VPS13B: variants seen among roughly 807,000 people sequenced by gnomAD.
VPS13B encodes the protein vacuolar protein sorting 13 homolog B, also known as intermembrane lipid transfer protein VPS13B.
A neutral mutation model predicts 426.4 loss-of-function variants in VPS13B; 285 were observed. That is an observed-to-expected ratio of 0.67 (90% confidence interval 0.61 to 0.74). The LOEUF (loss-of-function observed/expected upper bound fraction) is 0.74, where lower values mean the gene tolerates loss of function less well. Ranked by LOEUF, VPS13B falls within the 30% of genes least tolerant of loss-of-function variation. The probability of loss-of-function intolerance (pLI) is 0.00; values close to 1 mark genes in which losing one functional copy is unlikely to be tolerated. For missense variants in VPS13B, 4,537 were observed against 4,782.6 expected (o/e 0.95, Z 1.51); for synonymous variants, 1,676 against 1,676.4 (o/e 1.00, Z 0.01).
intron 43 of VPS13B, among the ~76,000 whole-genome samples, chr8:99,790,724 G>T (rs982908275): frequency 6.6e-6 from 1 of 152,162 alleles, no homozygotes; most frequent in Admixed American, 6.6e-5. Flanking sequence ...CAGACAGAAG[G>T]GATATTTGTA....
At chr8:99,056,291 G>A (rs999061213) in intron 3 of VPS13B, among the ~76,000 whole-genome samples, 1 of 151,964 alleles carries the variant, frequency 6.6e-6, no homozygotes, top group African/African-American at 2.4e-5. Flanking sequence ...GAACTCCTGG[G>A]CTCAAGCGAT....
At chr8:99,134,072 C>T (rs1809943388) in intron 8 of VPS13B, among the ~76,000 whole-genome samples, 1 of 152,156 alleles carries the variant, frequency 6.6e-6, no homozygotes, top group Non-Finnish European at 1.5e-5. Context: ...ATCTAGCTGG[C>T]TTTCAATAAG....
intron 21 of VPS13B, among the ~76,000 whole-genome samples, chr8:99,402,988 C>G (rs1261813563): frequency 6.6e-6 from 1 of 152,194 alleles, no homozygotes; most frequent in East Asian, 1.9e-4. Flanking sequence ...AGAAAGGACT[C>G]TTCAATTGCA....
chr8:99,193,774 A>G (rs1181154403), intron 17 of VPS13B, among the ~76,000 whole-genome samples: 1 of 152,156 alleles, frequency 6.6e-6, no homozygotes, highest in Non-Finnish European at 1.5e-5. Context: ...TTAATTTCAG[A>G]CCTGACATCA....
chr8:99,187,993 CAG>C (rs796900322), intron 16 of VPS13B, among the ~76,000 whole-genome samples: 1 of 149,330 alleles, frequency 6.7e-6, no homozygotes, highest in Non-Finnish European at 1.5e-5. Context: ...GTGACGGAGA[CAG>C]AGACAGAGAC....
chr8:99,519,081 A>C (rs993262624), intron 29 of VPS13B, among the ~76,000 whole-genome samples: 12 of 152,184 alleles, frequency 7.9e-5, no homozygotes, highest in Non-Finnish European at 1.6e-4. Flanking sequence ...TAGAGAGTAA[A>C]ATGTAAATGT....
intron 15 of VPS13B, among the ~76,000 whole-genome samples, chr8:99,164,680 A>G (rs1003713641): frequency 1.3e-5 from 2 of 151,720 alleles, no homozygotes; most frequent in African/African-American, 4.8e-5. Flanking sequence ...TTTCTTTACT[A>G]CTTCCATCTC....
intron 33 of VPS13B, among the ~76,000 whole-genome samples, chr8:99,633,389 A>G (rs934897956): frequency 6.6e-6 from 1 of 152,038 alleles, no homozygotes; most frequent in African/African-American, 2.4e-5. Context: ...GTAAACTTTC[A>G]TCTGCTTCAG....
At chr8:99,066,481 C>A (rs548822017) in intron 3 of VPS13B, among the ~76,000 whole-genome samples, 1 of 152,322 alleles carries the variant, frequency 6.6e-6, no homozygotes, top group East Asian at 1.9e-4. Context: ...CCCTTCCTTA[C>A]ACCTTATACA....
At chr8:99,284,529 G>A (rs1470118617) in intron 19 of VPS13B, among the ~76,000 whole-genome samples, 2 of 151,892 alleles carry the variant, frequency 1.3e-5, no homozygotes, top group Non-Finnish European at 2.9e-5. Context: ...GTTACTTTGA[G>A]CAAGTAAACC....
chr8:99,252,458 C>T (rs372982834), intron 17 of VPS13B, among the ~76,000 whole-genome samples: 3 of 152,024 alleles, frequency 2.0e-5, no homozygotes, highest in East Asian at 1.9e-4. Context: ...TCATTTCTGG[C>T]CCAGTATAAT....
chr8:99,776,447 G>A (rs1811746593), intron 40 of VPS13B, among the ~76,000 whole-genome samples: 1 of 152,138 alleles, frequency 6.6e-6, no homozygotes. Context: ...GACTGCAGGT[G>A]CATGCCACCA....
intron 17 of VPS13B, among the ~76,000 whole-genome samples, chr8:99,237,870 T>A (rs966293997): frequency 2.0e-5 from 1 of 49,650 alleles, no homozygotes; most frequent in African/African-American, 8.9e-5. Flanking sequence ...AGGTTGGGGT[T>A]ATTTTTTTTT....
chr8:99,841,661 C>A (rs1380262980), intron 54 of VPS13B, among the ~76,000 whole-genome samples: 1 of 152,174 alleles, frequency 6.6e-6, no homozygotes, highest in African/African-American at 2.4e-5. Context: ...AGCCTACCTT[C>A]TGCCTACTGC....
chr8:99,760,135 C>G (rs1232304000), intron 39 of VPS13B, among the ~76,000 whole-genome samples: 1 of 151,934 alleles, frequency 6.6e-6, no homozygotes, highest in Non-Finnish European at 1.5e-5. Flanking sequence ...CACCACCACA[C>G]CTGGCTATTT....
intron 3 of VPS13B, among the ~76,000 whole-genome samples, chr8:99,066,548 C>T (rs1166497824): frequency 2.0e-5 from 3 of 152,130 alleles, no homozygotes; most frequent in Non-Finnish European, 4.4e-5. Flanking sequence ...CCACAAAAAC[C>T]CTAGAAGAAA....
At chr8:99,315,545 A>T (rs549495151) in intron 19 of VPS13B, among the ~76,000 whole-genome samples, 1 of 149,080 alleles carries the variant, frequency 6.7e-6, no homozygotes, top group South Asian at 2.1e-4. Flanking sequence ...TTTTTTTTTT[A>T]AATTTCTTTG....
At chr8:99,555,996 A>C (rs1452849925) in intron 30 of VPS13B, among the ~76,000 whole-genome samples, 1 of 152,176 alleles carries the variant, frequency 6.6e-6, no homozygotes, top group African/African-American at 2.4e-5. Flanking sequence ...AGCAAGGGAA[A>C]GGGTTTTGAG....
chr8:99,679,037 C>G (rs1369209507), intron 35 of VPS13B, among the ~76,000 whole-genome samples: 1 of 152,180 alleles, frequency 6.6e-6, no homozygotes, highest in Non-Finnish European at 1.5e-5. Context: ...TTTTCTTAGT[C>G]TGCAATTCTT....
Sources: allele counts gnomAD v4.1 joint callset (sites outside exome capture counted in the v4.1 genomes callset), GRCh38; gene constraint gnomAD v4.1.1; transcripts MANE v1.5; gene names NCBI Gene and HGNC (gene_info 2026-07-23, HGNC 2026-07-21).